HS6ST3: variants seen among roughly 807,000 people sequenced by gnomAD.
HS6ST3 encodes heparan sulfate 6-O-sulfotransferase 3.
HS6ST3 carries 12 observed loss-of-function variants against 36.7 expected under a neutral mutation model. The observed-to-expected ratio is 0.33, with a 90% confidence interval of 0.21 to 0.53. HS6ST3 has a LOEUF of 0.53. Ranked by LOEUF, HS6ST3 falls within the 20% of genes least tolerant of loss-of-function variation. The probability of loss-of-function intolerance (pLI) is 0.95; values close to 1 mark genes in which losing one functional copy is unlikely to be tolerated. For synonymous variants in HS6ST3, 240 were observed against 257.5 expected (o/e 0.93, Z 0.65); for missense variants, 584 against 640.9 (o/e 0.91, Z 0.96).
intron 1 of HS6ST3, among the ~76,000 whole-genome samples, chr13:96,683,149 AAT>A (rs2056724024): frequency 2.6e-5 from 4 of 152,046 alleles, no homozygotes; most frequent in Non-Finnish European, 5.9e-5. Context: ...GGGAGTGTAT[AAT>A]ATATCGCTTA....
chr13:96,719,557 T>TA (rs151051676), intron 1 of HS6ST3, among the ~76,000 whole-genome samples: 2,883 of 152,266 alleles, frequency 0.019, 44 homozygotes, highest in South Asian at 0.032. Flanking sequence ...AGGAGAGTAT[T>TA]GGTGATATGT....
At chr13:96,243,259 T>C (rs1462306787) in intron 1 of HS6ST3, among the ~76,000 whole-genome samples, 3 of 152,216 alleles carry the variant, frequency 2.0e-5, no homozygotes, top group Admixed American at 2.0e-4. Context: ...CAAATCTATA[T>C]GGCAAATATT....
chr13:96,774,211 T>C (rs1418531653), intron 1 of HS6ST3, among the ~76,000 whole-genome samples: 4 of 151,976 alleles, frequency 2.6e-5, no homozygotes, highest in Non-Finnish European at 5.9e-5. Context: ...GATAAATCCA[T>C]GAAGATGAGG....
chr13:96,782,194 C>A (rs750297142), intron 1 of HS6ST3, among the ~76,000 whole-genome samples: 35 of 152,156 alleles, frequency 2.3e-4, no homozygotes, highest in Non-Finnish European at 4.7e-4. Context: ...AGGCTGCCCC[C>A]CATTTCCTCT....
chr13:96,557,978 T>C (rs1280145396), intron 1 of HS6ST3, among the ~76,000 whole-genome samples: 1 of 152,198 alleles, frequency 6.6e-6, no homozygotes, highest in East Asian at 1.9e-4. Flanking sequence ...GCAGGAGGGG[T>C]AAATAAGTAT....
intron 1 of HS6ST3, among the ~76,000 whole-genome samples, chr13:96,571,209 G>T (rs2056299862): frequency 6.6e-6 from 1 of 152,142 alleles, no homozygotes; most frequent in Non-Finnish European, 1.5e-5. Context: ...CAGGCACGTT[G>T]GTCAACTCTG....
At chr13:96,776,375 A>T (rs1333720713) in intron 1 of HS6ST3, among the ~76,000 whole-genome samples, 3 of 152,052 alleles carry the variant, frequency 2.0e-5, no homozygotes, top group Admixed American at 6.6e-5. Flanking sequence ...ACATGAAAAA[A>T]CCTTCCAAAA....
intron 1 of HS6ST3, among the ~76,000 whole-genome samples, chr13:96,746,678 A>T (rs1352701508): frequency 6.6e-6 from 1 of 152,138 alleles, no homozygotes; most frequent in South Asian, 2.1e-4. Context: ...TAAGTTAAAG[A>T]TATAACATTT....
chr13:96,146,959 A>G (rs1342224665), intron 1 of HS6ST3, among the ~76,000 whole-genome samples: 1 of 152,252 alleles, frequency 6.6e-6, no homozygotes. Context: ...TATACCATCT[A>G]TCAATAAACA....
chr13:96,556,818 G>A (rs2056242825), intron 1 of HS6ST3, among the ~76,000 whole-genome samples: 2 of 152,108 alleles, frequency 1.3e-5, no homozygotes, highest in South Asian at 2.1e-4. Flanking sequence ...GCCCAAGCAC[G>A]GGTGAGTCAT....
intron 1 of HS6ST3, among the ~76,000 whole-genome samples, chr13:96,107,789 A>G (rs647811): frequency 0.84 from 127,104 of 152,206 alleles, 53,324 homozygotes; most frequent in East Asian, 0.91. Context: ...AACATAAATT[A>G]TGAAGATTTT....
intron 1 of HS6ST3, among the ~76,000 whole-genome samples, chr13:96,590,364 T>G (rs1475554796): frequency 1.3e-5 from 2 of 152,164 alleles, no homozygotes; most frequent in Non-Finnish European, 2.9e-5. Flanking sequence ...TGCCTGACTT[T>G]TGGATGAAAG....
intron 1 of HS6ST3, among the ~76,000 whole-genome samples, chr13:96,805,608 T>C (rs1235340756): frequency 6.6e-6 from 1 of 152,228 alleles, no homozygotes; most frequent in Non-Finnish European, 1.5e-5. Context: ...ATTGTTGGTG[T>C]TAACCCATGA....
intron 1 of HS6ST3, among the ~76,000 whole-genome samples, chr13:96,451,718 T>C (rs1416533145): frequency 6.6e-6 from 1 of 152,202 alleles, no homozygotes; most frequent in East Asian, 1.9e-4. Flanking sequence ...GGCAGACTGC[T>C]TGTACGCTGC....
intron 1 of HS6ST3, among the ~76,000 whole-genome samples, chr13:96,475,855 G>A (rs1469936757): frequency 6.6e-6 from 1 of 152,130 alleles, no homozygotes; most frequent in Non-Finnish European, 1.5e-5. Flanking sequence ...AATTGAAATG[G>A]AGCTCATGAT....
intron 1 of HS6ST3, among the ~76,000 whole-genome samples, chr13:96,590,077 T>G (rs891115719): frequency 1.3e-5 from 2 of 152,172 alleles, no homozygotes; most frequent in African/African-American, 4.8e-5. Flanking sequence ...CTTTACTCAT[T>G]CATCTGTTGA....
At position 96,587,883 on chromosome 13, in the gene HS6ST3, A is replaced by G. The variant is rs572338677; in HGVS notation, c.708-244607A>G. 2.3e-4 allele frequency among the ~76,000 whole-genome samples: 35 copies of G among 152,346 alleles called. 2 individuals are homozygous for G. Among genetic ancestry groups the G allele is most frequent in the African/African-American group, 8.2e-4 (34 of 41,584 alleles). On this transcript the variant is annotated intron_variant, in intron 1 of 1. Coordinates refer to ENST00000376705, the MANE Select transcript of HS6ST3 (RefSeq NM_153456.4). ...ACAATATTAATTTTTCTAAGCTATG[A>G]ACACAGGATATCGTTTCATTTGTTT...
chr13:96,599,119 G>A (rs1302034525), intron 1 of HS6ST3, among the ~76,000 whole-genome samples: 1 of 151,864 alleles, frequency 6.6e-6, no homozygotes. Context: ...ATTGGATATT[G>A]GTCTGTAGTT....
intron 1 of HS6ST3, among the ~76,000 whole-genome samples, chr13:96,188,489 T>G (rs537118760): frequency 1.3e-5 from 2 of 152,254 alleles, no homozygotes; most frequent in Non-Finnish European, 2.9e-5. Context: ...GAGTAAACTT[T>G]CTAGAAAAGT....
Sources: gnomAD v4.1 joint callset for allele counts (sites outside exome capture counted in the v4.1 genomes callset) on GRCh38, gnomAD v4.1.1 for gene constraint, MANE v1.5 for transcripts, NCBI Gene and HGNC (gene_info 2026-07-23, HGNC 2026-07-21) for gene names.